Variants in PHLPP1 observed in about 807,000 individuals in gnomAD.
The protein encoded by PHLPP1 is PH domain and leucine rich repeat protein phosphatase 1.
PHLPP1 carries 42 observed loss-of-function variants against 117.2 expected under a neutral mutation model. That is an observed-to-expected ratio of 0.36 (90% CI 0.28 to 0.46). The LOEUF (loss-of-function observed/expected upper bound fraction) is 0.46. Ranked by LOEUF, PHLPP1 falls within the 20% of genes least tolerant of loss-of-function variation. The probability of loss-of-function intolerance (pLI) is 1.00; values close to 1 mark genes in which losing one functional copy is unlikely to be tolerated. For missense variants in PHLPP1, 2,084 were observed against 2,241.9 expected (o/e 0.93, Z 1.42); for synonymous variants, 1,042 against 970.7 (o/e 1.07, Z -1.37).
chr18:62,897,832 A>C (rs1568154350), intron 6 of PHLPP1, among the ~76,000 whole-genome samples: 1 of 152,200 alleles, frequency 6.6e-6, no homozygotes, highest in Non-Finnish European at 1.5e-5. Flanking sequence ...ACTTAAAATC[A>C]AAGCTAGTGG....
chr18:62,938,162 G>A (rs986540204), intron 10 of PHLPP1, among the ~76,000 whole-genome samples: 6 of 152,172 alleles, frequency 3.9e-5, no homozygotes, highest in Admixed American at 3.3e-4. Flanking sequence ...GATGAAGCAT[G>A]AAACAGCTGT....
chr18:62,725,024 A>G (rs1288139119), intron 1 of PHLPP1, among the ~76,000 whole-genome samples: 1 of 152,220 alleles, frequency 6.6e-6, no homozygotes, highest in African/African-American at 2.4e-5. Flanking sequence ...AATTTGGGAG[A>G]AAAATTTAAG....
chr18:62,931,943 A>C (rs1909825161), intron 10 of PHLPP1, among the ~76,000 whole-genome samples: 1 of 151,882 alleles, frequency 6.6e-6, no homozygotes, highest in Non-Finnish European at 1.5e-5. Context: ...ATGAGATTAC[A>C]GCTGATAGCA....
intron 1 of PHLPP1, among the ~76,000 whole-genome samples, chr18:62,768,548 G>A (rs2053600): frequency 0.033 from 5,064 of 152,198 alleles, 143 homozygotes; most frequent in Non-Finnish European, 0.049. Flanking sequence ...CTGTAATACA[G>A]GCAAAAATGA....
chr18:62,965,080 A>G (rs1174793048), intron 14 of PHLPP1, among the ~76,000 whole-genome samples: 1 of 152,204 alleles, frequency 6.6e-6, no homozygotes, highest in African/African-American at 2.4e-5. Context: ...ATAAATAAAT[A>G]AATACAAGAA....
At chr18:62,959,125 T>C (rs1165967145) in intron 13 of PHLPP1, among the ~76,000 whole-genome samples, 1 of 152,178 alleles carries the variant, frequency 6.6e-6, no homozygotes, top group African/African-American at 2.4e-5. Flanking sequence ...AAAGAGGTCA[T>C]TGATGCTGTT....
At chr18:62,959,966 C>T (rs1180984503) in intron 13 of PHLPP1, among the ~76,000 whole-genome samples, 1 of 152,152 alleles carries the variant, frequency 6.6e-6, no homozygotes, top group African/African-American at 2.4e-5. Context: ...ACCCCTCCAT[C>T]TGTCCACACC....
intron 4 of PHLPP1, among the ~76,000 whole-genome samples, chr18:62,870,470 T>G (rs1915876881): frequency 1.3e-5 from 2 of 152,242 alleles, no homozygotes; most frequent in African/African-American, 4.8e-5. Context: ...TATATTTAGT[T>G]GCTTATTTTT....
intron 12 of PHLPP1, among the ~76,000 whole-genome samples, chr18:62,957,605 T>A (rs183135146): frequency 6.6e-6 from 1 of 151,644 alleles, no homozygotes; most frequent in East Asian, 1.9e-4. Flanking sequence ...GTTTTTTGTT[T>A]GTTTGTTTGT....
chr18:62,903,216 AC>A, intron 7 of PHLPP1, 50 bp downstream of exon 7: 2 of 1,188,410 alleles, frequency 1.7e-6, no homozygotes, highest in African/African-American at 1.5e-5. Flanking sequence ...CCAGGAATTT[AC>A]CCAGCATCAT....
At chr18:62,804,067 T>C (rs759686927) in intron 1 of PHLPP1, among the ~76,000 whole-genome samples, 7 of 152,106 alleles carry the variant, frequency 4.6e-5, no homozygotes, top group Non-Finnish European at 1.0e-4. Flanking sequence ...GACTCACAGT[T>C]CCAAATGGCT....
rs114938961 is a variant in PHLPP1 at position 62,979,532 on chromosome 18, C to G, written c.*101C>G. The stretch of plus-strand genomic sequence containing the variant: ...CAGGGGTTTTACTCCACATCCTTCC[C>G]CCAGACACTGTTCCCAACCTGTCAT... On this transcript the variant is annotated 3_prime_UTR_variant, in exon 17 of 17. Transcript: ENST00000262719. The G allele has an allele frequency of 1.5e-5, 20 of 1,294,606 alleles. No individual in the cohort carries two copies. Among genetic ancestry groups the G allele is most frequent in the Admixed American group, 1.3e-4 (5 of 38,306 alleles). The allele number at this position is 1,294,606 out of a possible 1,614,324, so 80.2% of individuals were successfully genotyped here.
chr18:62,962,293 TG>T (rs2144480706), intron 13 of PHLPP1, among the ~76,000 whole-genome samples: 1 of 152,282 alleles, frequency 6.6e-6, no homozygotes, highest in South Asian at 2.1e-4. Context: ...TTTTATGTTA[TG>T]TTATGTTATG....
At chr18:62,810,899 C>T (rs531229877) in intron 1 of PHLPP1, among the ~76,000 whole-genome samples, 6 of 152,300 alleles carry the variant, frequency 3.9e-5, no homozygotes, top group African/African-American at 9.6e-5. Context: ...TTCTGTCCAG[C>T]TAAAACCTCA....
At chr18:62,932,717 G>C (rs1023299336) in intron 10 of PHLPP1, among the ~76,000 whole-genome samples, 7 of 152,170 alleles carry the variant, frequency 4.6e-5, no homozygotes, top group African/African-American at 1.7e-4. Flanking sequence ...AGACAAGTAT[G>C]CCTACTCTCA....
rs1490337430 is a variant in PHLPP1 at position 62,716,956 on chromosome 18, A to C, written c.1273A>C (p.Ser425Arg). The stretch of plus-strand genomic sequence containing the variant: ...GCAGAAAGCCCCGAGGGCCATTGAC[A>C]GCCCGGGCGGGGCCGTCCGCGAGGG... ...PQQKAPRAID[S>R]PGGAVREGSC... Residue 425 changes from serine (S) to arginine (R), a missense_variant, in exon 1 of 17, where the codon AGC (serine) becomes CGC (arginine). By Grantham distance (110) the Ser-to-Arg change is moderately radical. Transcript: ENST00000262719. The surrounding 1 kb of genome is among the most constrained non-coding windows in gnomAD (Gnocchi z 5.7). 2.0e-6 allele frequency: 3 copies of C among 1,537,780 alleles called. No individual in the cohort carries two copies. In the Admixed American group the frequency reaches 5.9e-5, roughly 30 times the overall value.
intron 1 of PHLPP1, among the ~76,000 whole-genome samples, chr18:62,751,037 A>G (rs566616849): frequency 2.0e-5 from 3 of 152,318 alleles, no homozygotes; most frequent in South Asian, 4.1e-4. Flanking sequence ...TAAAAAACCA[A>G]CACCAACAAA....
chr18:62,880,832 C>T (rs920868246), intron 4 of PHLPP1, among the ~76,000 whole-genome samples: 4 of 152,090 alleles, frequency 2.6e-5, no homozygotes, highest in Admixed American at 6.6e-5. Context: ...ATAGATCTAG[C>T]GGCTGCTGTT....
At chr18:62,800,193 C>T (rs56172751) in intron 1 of PHLPP1, among the ~76,000 whole-genome samples, 10,942 of 152,192 alleles carry the variant, frequency 0.072, 713 homozygotes, top group East Asian at 0.29. Context: ...CCCCACCCCC[C>T]ACTGGCTGAA....
Sources: allele counts gnomAD v4.1 joint callset (sites outside exome capture counted in the v4.1 genomes callset), GRCh38; gene constraint gnomAD v4.1.1; non-coding constraint Gnocchi (gnomAD v3.1); transcripts MANE v1.5; gene names NCBI Gene and HGNC (gene_info 2026-07-23, HGNC 2026-07-21).